The following MEF2A variants were observed in gnomAD, a reference collection of about 807,000 sequenced individuals.
MEF2A encodes the protein myocyte-specific enhancer factor 2A.
In MEF2A, 28 loss-of-function variants were observed where a neutral mutation model predicts 55.8. The ratio of observed to expected loss-of-function variants is 0.50; its 90% CI spans 0.37 to 0.69. The LOEUF is 0.69. Ranked by LOEUF, MEF2A falls within the 30% of genes least tolerant of loss-of-function variation. The pLI, the probability that MEF2A is intolerant of heterozygous loss-of-function variation, is 0.00. For synonymous variants in MEF2A, 239 were observed against 227.1 expected (o/e 1.05, Z -0.47); for missense variants, 528 against 626.2 (o/e 0.84, Z 1.67).
rs181140886 is a variant in MEF2A, at chr15:99,679,398, A to G, written c.670+3940A>G. On this transcript the variant is annotated intron_variant, in intron 7 of 11. Coordinates refer to ENST00000557942, the MANE Select transcript of MEF2A (RefSeq NM_001319206.4). ...GAATATTATACTGCAGTGAAAATGA[A>G]ATCACAGCAGTTCTCAACATGGATG... 2.2e-4 allele frequency among the ~76,000 whole-genome samples: 34 copies of G among 152,376 alleles called. No homozygotes were observed. In the East Asian group the frequency reaches 6.4e-3, roughly 28 times the overall value.
chr15:99,712,545 C>CACA lies in MEF2A; in HGVS notation c.1294_1295insAAC (p.Pro431_Pro432insGln), dbSNP rs903745409. The CACA allele has an allele frequency of 1.7e-5, 27 of 1,550,578 alleles. No individual in the cohort carries two copies. In the African/African-American group the frequency reaches 2.6e-4, roughly 15 times the overall value. ...CAGCAGCAGCAGCAGCAGCCGCCGC[C>CACA]ACCACCGCAGCCCCAGCCACAACCC... On this transcript the variant is annotated inframe_insertion, in exon 12 of 12. Coordinates refer to ENST00000557942, the MANE Select transcript of MEF2A (RefSeq NM_001319206.4). The surrounding 1 kb of genome is among the most constrained non-coding windows in gnomAD (Gnocchi z 4.1).
intron 1 of MEF2A, among the ~76,000 whole-genome samples, chr15:99,590,007 T>C (rs1325227762): frequency 6.6e-6 from 1 of 152,062 alleles, no homozygotes; most frequent in Admixed American, 6.5e-5. Context: ...TAAACCAAGG[T>C]GGTTTATAGT....
chr15:99,604,988 C>G (rs147536734), intron 2 of MEF2A, among the ~76,000 whole-genome samples: 1 of 152,196 alleles, frequency 6.6e-6, no homozygotes, highest in African/African-American at 2.4e-5. Context: ...CTCTGTCGCT[C>G]ATCCTGGAGT....
chr15:99,614,472 T>G (rs1052848355), intron 2 of MEF2A, among the ~76,000 whole-genome samples: 1 of 152,242 alleles, frequency 6.6e-6, no homozygotes, highest in African/African-American at 2.4e-5. Flanking sequence ...CTTTGACTTT[T>G]GCTTTCATTT....
chr15:99,616,113 C>T (rs1445771283), intron 2 of MEF2A, among the ~76,000 whole-genome samples: 1 of 151,966 alleles, frequency 6.6e-6, no homozygotes, highest in Non-Finnish European at 1.5e-5. Context: ...AATTAGATCT[C>T]AATGTTTAAA....
Position 99,712,257 on chromosome 15 carries a change from A to C in MEF2A, c.1137-133A>C. 1 of 1,415,786 alleles carries C rather than the reference A, an allele frequency of 7.1e-7. No homozygotes were observed. The highest frequency in any genetic ancestry group is 9.2e-7 in the Non-Finnish European group (1 of 1,083,952). The allele number at this position is 1,415,786 out of a possible 1,614,324, so 87.7% of individuals were successfully genotyped here. Reference sequence around the variant, plus strand: ...GCCAAGCACTGAAGGAAACGACCCAAACCAGTCTTGGGGAACTCTGATAAG... The same window carrying C: ...GCCAAGCACTGAAGGAAACGACCCACACCAGTCTTGGGGAACTCTGATAAG... On this transcript the variant is annotated intron_variant, in intron 11 of 11. Coordinates refer to ENST00000557942, the MANE Select transcript of MEF2A (RefSeq NM_001319206.4). The surrounding 1 kb of genome is among the most constrained non-coding windows in gnomAD (Gnocchi z 4.1).
At chr15:99,610,044 C>G (rs1976578142) in intron 2 of MEF2A, among the ~76,000 whole-genome samples, 1 of 151,814 alleles carries the variant, frequency 6.6e-6, no homozygotes, top group African/African-American at 2.4e-5. Context: ...TTAGAGGACC[C>G]AGGGTATCAT....
At chr15:99,655,857 G>A (rs1391116599) in intron 4 of MEF2A, among the ~76,000 whole-genome samples, 1 of 152,104 alleles carries the variant, frequency 6.6e-6, no homozygotes, top group Non-Finnish European at 1.5e-5. Flanking sequence ...AGTGGTTTGT[G>A]TGTTATAAAA....
At chr15:99,657,809 C>A (rs1392436963) in intron 4 of MEF2A, among the ~76,000 whole-genome samples, 3 of 151,996 alleles carry the variant, frequency 2.0e-5, no homozygotes, top group African/African-American at 7.2e-5. Flanking sequence ...TAGTACTGAG[C>A]AGATAGGGGA....
chr15:99,660,967 G>T (rs1304126391), intron 4 of MEF2A, among the ~76,000 whole-genome samples: 1 of 152,150 alleles, frequency 6.6e-6, no homozygotes, highest in Non-Finnish European at 1.5e-5. Context: ...CAAGGTGAGA[G>T]GGTTTGCACT....
chr15:99,620,674 T>C (rs2040999842), intron 2 of MEF2A, among the ~76,000 whole-genome samples: 1 of 152,150 alleles, frequency 6.6e-6, no homozygotes, highest in South Asian at 2.1e-4. Context: ...GGTAGATTAG[T>C]TTATTTTCCT....
At chr15:99,652,577 G>T (rs1462272731) in intron 4 of MEF2A, among the ~76,000 whole-genome samples, 1 of 152,172 alleles carries the variant, frequency 6.6e-6, no homozygotes, top group Non-Finnish European at 1.5e-5. Context: ...GTTGAAATCA[G>T]CCAAGTGTCA....
intron 7 of MEF2A, among the ~76,000 whole-genome samples, chr15:99,687,366 GGT>G (rs1438076547): frequency 6.6e-6 from 1 of 151,802 alleles, no homozygotes; most frequent in Admixed American, 6.5e-5. Flanking sequence ...GGGGTGTGTG[GGT>G]GTGTGTGTGT....
intron 8 of MEF2A, among the ~76,000 whole-genome samples, chr15:99,695,040 C>A (rs528569781): frequency 1.4e-5 from 2 of 147,764 alleles, no homozygotes; most frequent in African/African-American, 5.0e-5. Context: ...ATAATATATT[C>A]TAGGCTTATC....
intron 1 of MEF2A, among the ~76,000 whole-genome samples, chr15:99,589,545 A>T (rs1334535569): frequency 1.3e-5 from 2 of 152,118 alleles, no homozygotes; most frequent in East Asian, 3.9e-4. Context: ...CTTTTAGTTT[A>T]ATATGCTCCT....
intron 4 of MEF2A, among the ~76,000 whole-genome samples, chr15:99,656,831 C>A (rs922276535): frequency 6.6e-6 from 1 of 152,076 alleles, no homozygotes; most frequent in African/African-American, 2.4e-5. Flanking sequence ...ATAAAATTCA[C>A]CAGTGTAGAT....
In MEF2A at chr15:99,696,467, A is replaced by G. The variant is rs79882715; in HGVS notation, c.858+6039A>G. 2.4e-3 allele frequency among the ~76,000 whole-genome samples: 364 copies of G among 152,340 alleles called. 2 individuals are homozygous for G. Among genetic ancestry groups the G allele is most frequent in the Non-Finnish European group, 4.1e-3 (276 of 68,032 alleles). On this transcript the variant is annotated intron_variant, in intron 8 of 11. Coordinates refer to ENST00000557942, the MANE Select transcript of MEF2A (RefSeq NM_001319206.4). ...ACAGAAAGGTAGTAGGAAAATGGCCATATATTTAGACATTAAACAACATAT... is the reference window on the plus strand; with the variant it reads ...ACAGAAAGGTAGTAGGAAAATGGCCGTATATTTAGACATTAAACAACATAT...
intron 1 of MEF2A, among the ~76,000 whole-genome samples, chr15:99,571,442 G>T (rs79871973): frequency 2.6e-5 from 4 of 152,010 alleles, no homozygotes; most frequent in African/African-American, 9.7e-5. Flanking sequence ...CATTACTATC[G>T]TTACTACTAC....
chr15:99,674,666 C>G, intron 6 of MEF2A, 54 bp downstream of exon 6: 1 of 1,397,380 alleles, frequency 7.2e-7, no homozygotes, highest in Non-Finnish European at 1.0e-6. Flanking sequence ...TGAAAAAATT[C>G]ATTGCTAACA....
Sources: gnomAD v4.1 joint callset for allele counts (sites outside exome capture counted in the v4.1 genomes callset) on GRCh38, gnomAD v4.1.1 for gene constraint, Gnocchi (gnomAD v3.1) non-coding constraint, MANE v1.5 for transcripts, NCBI Gene and HGNC (gene_info 2026-07-23, HGNC 2026-07-21) for gene names.